The following CDC42BPG variants were observed in gnomAD, a reference collection of about 807,000 sequenced individuals.
CDC42BPG encodes the protein serine/threonine-protein kinase MRCK gamma.
CDC42BPG carries 157 observed loss-of-function variants against 192.2 expected under a neutral mutation model. The observed-to-expected ratio is 0.82, with a 90% CI of 0.72 to 0.93. The LOEUF is 0.93. Ranked by LOEUF, CDC42BPG falls within the 40% of genes least tolerant of loss-of-function variation. The probability of loss-of-function intolerance (pLI) is 0.00; values close to 1 mark genes in which losing one functional copy is unlikely to be tolerated. For missense variants in CDC42BPG, 1,992 were observed against 2,122.1 expected (o/e 0.94, Z 1.20); for synonymous variants, 981 against 918.5 (o/e 1.07, Z -1.23).
rs769794565 is a variant in CDC42BPG at position 64,830,202 on chromosome 11, C to T, written c.3359G>A (p.Arg1120His). The T allele has an allele frequency of 3.8e-5, 61 of 1,613,452 alleles. No individual in the cohort carries two copies. Among genetic ancestry groups the T allele is most frequent in the African/African-American group, 5.3e-5 (4 of 74,906 alleles). Residue 1120 changes from arginine (R) to histidine (H), a missense_variant, in exon 29 of 37, where the codon CGC becomes CAC. Arg to His is a conservative substitution (Grantham distance 29). Transcript: ENST00000342711. ...CCAGCTTTGATAGGTACCGTTGCTG[C>T]GCAGATGGATGACAAAGAGCCCCTC... The part of the protein sequence containing the change: ...TEEGLFVIHL[R>H]SNDIFQVGEC...
chr11:64,838,691 G>T lies in CDC42BPG; in HGVS notation c.1088C>A (p.Ser363Tyr). Residue 363 changes from serine (S) to tyrosine (Y), a missense_variant, in exon 8 of 37, where the codon TCC (serine) becomes TAC (tyrosine). Coordinates refer to ENST00000342711, the MANE Select transcript of CDC42BPG (RefSeq NM_017525.3). ...IPELRGPMDT[S>Y]NFDVDDDTLN... ...GGTGTCGTCATCCACATCAAAGTTG[G>T]AGGTGTCCATGGGCCCCCGCAGCTC... is the stretch of plus-strand genomic sequence containing the variant. 1 of 1,613,220 alleles carries T rather than the reference G, an allele frequency of 6.2e-7. No homozygotes were observed. Among genetic ancestry groups the T allele is most frequent in the South Asian group, 1.1e-5 (1 of 91,084 alleles).
At position 64,830,560 on chromosome 11, in the gene CDC42BPG, G is replaced by A. The variant is rs867298189; in HGVS notation, c.3305-304C>T. On this transcript the variant is annotated intron_variant, in intron 28 of 36. Transcript: ENST00000342711. Reference sequence around the variant, plus strand: ...TTCCTCACAGAGCAACTCTGAGGAAGCGAGGAAGTGATGCAGGGGAGGGTT... The same window carrying A: ...TTCCTCACAGAGCAACTCTGAGGAAACGAGGAAGTGATGCAGGGGAGGGTT... The A allele has an allele frequency of 6.2e-6, 3 of 487,708 alleles. 1 individual carries two copies. The South Asian group carries it at 6.5e-5, about 11-fold the overall frequency. The allele number at this position is 487,708 out of a possible 1,614,324, so 30.2% of individuals were successfully genotyped here. A position where few individuals can be genotyped will look rare whatever the true frequency, so the allele number is the denominator to read the frequency against.
chr11:64,827,079 C>A lies in CDC42BPG; in HGVS notation c.4360G>T (p.Gly1454Trp), dbSNP rs147287959. The A allele has an allele frequency of 9.9e-6, 16 of 1,613,406 alleles. No individual in the cohort carries two copies. Among genetic ancestry groups the A allele is most frequent in the East Asian group, 4.5e-5 (2 of 44,886 alleles). Residue 1454 changes from glycine to tryptophan, a missense_variant, in exon 34 of 37, where the codon GGG becomes TGG. Transcript: ENST00000342711. Reference protein sequence around the residue: ...NHLVHVGPANGRPGARDKSPA... With the variant: ...NHLVHVGPANWRPGARDKSPA... ...GACTTGTCCCTGGCGCCGGGCCGCC[C>A]GTTGGCAGGGCCCACGTGTACTAGG... is the stretch of plus-strand genomic sequence containing the variant.
chr11:64,823,518 A>G lies in CDC42BPG; in HGVS notation c.*955T>C, dbSNP rs1441219822. The G allele has an allele frequency of 6.6e-6, 1 of 152,122 alleles. No individual in the cohort carries two copies. Among genetic ancestry groups the G allele is most frequent in the Non-Finnish European group, 1.5e-5 (1 of 68,024 alleles). 9.4% of individuals were successfully genotyped at this position (152,122 alleles called of 1,614,324 possible). ...GAGGTTTAATAAAAATAGTAATATA[A>G]TAACAATATAATGACTGTGATCAAT... is the stretch of plus-strand genomic sequence containing the variant. On this transcript the variant is annotated 3_prime_UTR_variant, in exon 37 of 37. Transcript: ENST00000342711.
At chr11:64,835,181 C>G in intron 16 of CDC42BPG, 28 bp from the exon 17 acceptor site, 2 of 1,602,176 alleles carry the variant, frequency 1.2e-6, no homozygotes. Context: ...AAAGGTCAGC[C>G]CCAGGCCCCA....
At chr11:64,843,578 C>T (rs1057457710) in intron 1 of CDC42BPG, among the ~76,000 whole-genome samples, 2 of 152,256 alleles carry the variant, frequency 1.3e-5, no homozygotes, top group East Asian at 3.9e-4. Context: ...TGCCTCACCC[C>T]GCCCTGGCCA....
intron 30 of CDC42BPG, among the ~76,000 whole-genome samples, chr11:64,828,953 G>A (rs1222924140): frequency 6.6e-6 from 1 of 152,158 alleles, no homozygotes; most frequent in Non-Finnish European, 1.5e-5. Context: ...GGGAGGCTGA[G>A]GCAGGAGAAT....
At chr11:64,833,368 TCCCAGGGC>T in intron 23 of CDC42BPG, 32 bp from the exon 24 acceptor site, 1 of 1,223,136 alleles carries the variant, frequency 8.2e-7, no homozygotes, top group Non-Finnish European at 1.1e-6. Flanking sequence ...ACCCAAGGCC[TCCCAGGGC>T]CCCATGCCCC....
chr11:64,827,655 G>A, intron 31 of CDC42BPG, 31 bp downstream of exon 31: 1 of 1,605,924 alleles, frequency 6.2e-7, no homozygotes, highest in Non-Finnish European at 8.5e-7. Flanking sequence ...TCCACCCCCG[G>A]CGCTACCCCA....
In CDC42BPG at chr11:64,836,721, G is replaced by GGGGGGGGGC. The variant is rs1943027441; in HGVS notation, c.1384+17_1384+18insGCCCCCCCC. 3.5e-6 allele frequency: 3 copies of GGGGGGGGGC among 857,108 alleles called. No homozygotes were observed. Among genetic ancestry groups the GGGGGGGGGC allele is most frequent in the Non-Finnish European group, 5.0e-6 (3 of 595,174 alleles). The allele number at this position is 857,108 out of a possible 1,614,324, so 53.1% of individuals were successfully genotyped here. Reference sequence around the variant, plus strand: ...GACTCAGCCCTGGGGGGGGGGGGGGGGTGGGCGGAAGGGATACCTGGCAGC... The same window carrying GGGGGGGGGC: ...GACTCAGCCCTGGGGGGGGGGGGGGGGGGGGGGGCGTGGGCGGAAGGGATACCTGGCAGC... On this transcript the variant is annotated intron_variant, in intron 11 of 36. Transcript: ENST00000342711.
intron 27 of CDC42BPG, 106 bp from the exon 28 acceptor site, chr11:64,831,827 TCAG>T: frequency 1.0e-6 from 1 of 1,001,680 alleles, no homozygotes; most frequent in Non-Finnish European, 1.5e-6. Flanking sequence ...GCGTGCACTG[TCAG>T]CAGCAGGGAG....
intron 24 of CDC42BPG, 74 bp downstream of exon 24, chr11:64,833,157 G>C: frequency 7.6e-7 from 1 of 1,317,506 alleles, no homozygotes; most frequent in Non-Finnish European, 1.1e-6. Context: ...CCCTGGGATG[G>C]GAGAAACAGC....
In CDC42BPG at chr11:64,844,399, C is replaced by G; in HGVS notation, c.160+11G>C. On this transcript the variant is annotated intron_variant, in intron 1 of 36. Transcript: ENST00000342711. ...AGGCCCGCCCCCGCTCCGTGCCGCC[C>G]CGCCACTCACCCCAGCTCAGGAACT... is the stretch of plus-strand genomic sequence containing the variant. The G allele has an allele frequency of 1.4e-6, 2 of 1,432,374 alleles. No individual in the cohort carries two copies. The highest frequency in any genetic ancestry group is 1.8e-6 in the Non-Finnish European group (2 of 1,097,594). 88.7% of individuals were successfully genotyped at this position (1,432,374 alleles called of 1,614,324 possible).
At position 64,830,280 on chromosome 11, in the gene CDC42BPG, A is replaced by T. The variant is rs1250484998; in HGVS notation, c.3305-24T>A. On this transcript the variant is annotated intron_variant, in intron 28 of 36. Coordinates refer to ENST00000342711, the MANE Select transcript of CDC42BPG (RefSeq NM_017525.3). The stretch of plus-strand genomic sequence containing the variant: ...GTCTGGTAGAGGGAGGCAGAGGGTC[A>T]GAGGTCAGCAGTCCCACTCAATGAC... 3 of 1,575,030 alleles carry T rather than the reference A, an allele frequency of 1.9e-6. No individual in the cohort carries two copies. The East Asian group carries it at 6.9e-5, about 36-fold the overall frequency.
At chr11:64,840,296 C>A (rs377651311) in intron 4 of CDC42BPG, 28 bp from the exon 5 acceptor site, 2 of 1,602,910 alleles carry the variant, frequency 1.2e-6, no homozygotes, top group African/African-American at 2.7e-5. Context: ...GAATCAGACC[C>A]GGGGGAAGGG....
chr11:64,831,689 G>C lies in CDC42BPG; in HGVS notation c.3120C>G (p.Thr1040=). 6.2e-7 allele frequency: 1 copy of C among 1,605,824 alleles called. No homozygotes were observed. Among genetic ancestry groups the C allele is most frequent in the Non-Finnish European group, 8.5e-7 (1 of 1,178,444 alleles). The change falls in exon 28 of 37, where the codon ACC becomes ACG. Residue 1040 remains threonine (T), a synonymous_variant. Transcript: ENST00000342711. The stretch of plus-strand genomic sequence containing the variant: ...CTGCCAGCAGCAGCACAGTGCACGT[G>C]GTGGGCGGCACTGCCAGCTGGGAGG... ...VTTSQLAVPP[T]TCTVLLLAES...
chr11:64,834,120 G>A lies in CDC42BPG; in HGVS notation c.2414-143C>T, dbSNP rs925106904. On this transcript the variant is annotated intron_variant, in intron 20 of 36. Coordinates refer to ENST00000342711, the MANE Select transcript of CDC42BPG (RefSeq NM_017525.3). ...TGGGCACAGCAGGCACTCCAGAAGT[G>A]CTGGTCACAGATGATGGAGTAAGCG... 19 of 1,397,674 alleles carry A rather than the reference G, an allele frequency of 1.4e-5. No individual in the cohort carries two copies. In the Admixed American group the frequency reaches 2.3e-4, roughly 17 times the overall value. 86.6% of individuals were successfully genotyped at this position (1,397,674 alleles called of 1,614,324 possible). A position where few individuals can be genotyped will look rare whatever the true frequency, so the allele number is the denominator to read the frequency against.
chr11:64,836,793 G>C lies in CDC42BPG; in HGVS notation c.1330C>G (p.Arg444Gly), dbSNP rs764835756. Residue 444 changes from arginine to glycine, a missense_variant, in exon 11 of 37, where the codon CGG becomes GGG. Arg to Gly is a moderately radical substitution (Grantham distance 125, BLOSUM62 -2). Coordinates refer to ENST00000342711, the MANE Select transcript of CDC42BPG (RefSeq NM_017525.3). ...TCCTTCCGTAGCTGCTCCAGCTCCC[G>C]ATGGTCTGTGGGGGCGTGCAGGGCC... ...QEALHAPTDH[R>G]ELEQLRKEVQ... The C allele has an allele frequency of 1.3e-6, 2 of 1,567,986 alleles. No homozygotes were observed. Among genetic ancestry groups the C allele is most frequent in the South Asian group, 1.1e-5 (1 of 89,458 alleles).
Position 64,831,717 on chromosome 11 carries a change from G to T in CDC42BPG, c.3092C>A (p.Thr1031Lys). ...GGGCGGCACTGCCAGCTGGGAGGTT[G>T]TCACCTGTGGGCAAGGACCCCAGCT... The part of the protein sequence containing the change: ...SRDLPRIFRV[T>K]TSQLAVPPTT... Residue 1031 changes from threonine (T) to lysine (K), a missense_variant, in exon 28 of 37, where the codon ACA becomes AAA. Thr to Lys is a moderately conservative substitution (Grantham distance 78, BLOSUM62 -1). Coordinates refer to ENST00000342711, the MANE Select transcript of CDC42BPG (RefSeq NM_017525.3). The T allele has an allele frequency of 6.3e-7, 1 of 1,592,134 alleles. No homozygotes were observed.
Sources: allele counts gnomAD v4.1 joint callset (sites outside exome capture counted in the v4.1 genomes callset), GRCh38; gene constraint gnomAD v4.1.1; transcripts MANE v1.5; gene names NCBI Gene and HGNC (gene_info 2026-07-23, HGNC 2026-07-21).